The following ADAMTS17 variants were observed in gnomAD, a reference collection of about 807,000 sequenced individuals.
ADAMTS17 encodes A disintegrin and metalloproteinase with thrombospondin motifs 17.
ADAMTS17 carries 113 observed loss-of-function variants against 141.5 expected under a neutral mutation model. That is an observed-to-expected ratio of 0.80 (90% CI 0.69 to 0.93). The LOEUF (loss-of-function observed/expected upper bound fraction) is 0.93, where lower values mean the gene tolerates loss of function less well. Among genes scored for constraint, ADAMTS17 ranks in the 40% least tolerant of loss-of-function variants. The pLI is 0.00. For synonymous variants in ADAMTS17, 768 were observed against 630.6 expected (o/e 1.22, Z -3.27); for missense variants, 1,659 against 1,517.9 (o/e 1.09, Z -1.54).
intron 15 of ADAMTS17, among the ~76,000 whole-genome samples, chr15:100,093,246 C>T (rs1247126695): frequency 6.6e-6 from 1 of 152,124 alleles, no homozygotes; most frequent in Non-Finnish European, 1.5e-5. Flanking sequence ...GGACACTTCG[C>T]CACGTGTGGG....
intron 4 of ADAMTS17, among the ~76,000 whole-genome samples, chr15:100,275,918 G>A (rs1290700800): frequency 7.2e-6 from 1 of 138,730 alleles, no homozygotes; most frequent in Non-Finnish European, 1.5e-5. Context: ...CTGCCCTGGG[G>A]ACAGGGTACT....
chr15:100,279,560 C>T (rs148749982), intron 4 of ADAMTS17, among the ~76,000 whole-genome samples: 83 of 152,370 alleles, frequency 5.4e-4, no homozygotes, highest in African/African-American at 1.9e-3. Flanking sequence ...CTTCCATAAG[C>T]GGCCTGACCA....
chr15:100,064,071 C>G (rs926008003), intron 15 of ADAMTS17, among the ~76,000 whole-genome samples: 2 of 152,122 alleles, frequency 1.3e-5, no homozygotes, highest in African/African-American at 4.8e-5. Flanking sequence ...AAGATGAGGT[C>G]ATCCTGGAGT....
intron 7 of ADAMTS17, among the ~76,000 whole-genome samples, chr15:100,226,541 G>A (rs899660195): frequency 2.0e-4 from 30 of 152,238 alleles, no homozygotes; most frequent in African/African-American, 6.5e-4. Flanking sequence ...GACACATGCA[G>A]AGGCCAAGAC....
intron 3 of ADAMTS17, among the ~76,000 whole-genome samples, chr15:100,301,982 T>G (rs904769969): frequency 2.0e-5 from 3 of 152,226 alleles, no homozygotes; most frequent in Non-Finnish European, 4.4e-5. Context: ...TTTCAGTGTA[T>G]TCACAGAACT....
chr15:100,243,520 T>C (rs1459460443), intron 7 of ADAMTS17, among the ~76,000 whole-genome samples: 1 of 152,360 alleles, frequency 6.6e-6, no homozygotes, highest in South Asian at 2.1e-4. Context: ...CTGGGTGCCA[T>C]GGCTCACGCC....
At position 99,974,426 on chromosome 15, in the gene ADAMTS17, C is replaced by CATCTTGTTTGCATAG. The variant is rs1295872947; in HGVS notation, c.3249_3263dup (p.Lys1087_Met1088insIleTyrAlaAsnLys). On this transcript the variant is annotated inframe_insertion, in exon 22 of 22. Transcript: ENST00000268070. The stretch of plus-strand genomic sequence containing the variant: ...GTCACGAGTTCGGCGGTGGCTGGCG[C>CATCTTGTTTGCATAG]ATCTTGTTTGCATAGAAGTCCCTGC... 7 of 1,614,172 alleles carry CATCTTGTTTGCATAG rather than the reference C, an allele frequency of 4.3e-6. No individual in the cohort carries two copies. Among genetic ancestry groups the CATCTTGTTTGCATAG allele is most frequent in the Non-Finnish European group, 5.9e-6 (7 of 1,180,038 alleles).
At chr15:100,183,460 G>T (rs1596212263) in intron 8 of ADAMTS17, among the ~76,000 whole-genome samples, 1 of 151,980 alleles carries the variant, frequency 6.6e-6, no homozygotes, top group East Asian at 1.9e-4. Context: ...TTTTGTTGTT[G>T]TTCCTATATT....
At chr15:100,151,456 C>T (rs566481222) in intron 10 of ADAMTS17, among the ~76,000 whole-genome samples, 1 of 152,316 alleles carries the variant, frequency 6.6e-6, no homozygotes, top group Admixed American at 6.5e-5. Context: ...GGCATTGGGA[C>T]CGCATTCTGG....
intron 3 of ADAMTS17, among the ~76,000 whole-genome samples, chr15:100,287,218 T>C (rs1411550106): frequency 6.6e-6 from 1 of 152,130 alleles, no homozygotes. Context: ...CTGATGGAGC[T>C]GAAAATCTCA....
At chr15:100,333,887 C>T (rs987696516) in intron 2 of ADAMTS17, among the ~76,000 whole-genome samples, 8 of 152,236 alleles carry the variant, frequency 5.3e-5, no homozygotes, top group African/African-American at 1.9e-4. Context: ...CTATGGCAGA[C>T]AGAACTGGCA....
intron 10 of ADAMTS17, among the ~76,000 whole-genome samples, chr15:100,142,235 C>T (rs1326079044): frequency 1.3e-5 from 2 of 152,200 alleles, no homozygotes; most frequent in African/African-American, 2.4e-5. Context: ...AGAATTTTGT[C>T]ACCCCAAGCA....
chr15:100,113,537 T>C (rs1209586709), intron 13 of ADAMTS17, among the ~76,000 whole-genome samples: 9 of 152,180 alleles, frequency 5.9e-5, no homozygotes, highest in Admixed American at 3.9e-4. Context: ...GAACTGTATG[T>C]GGCCCAAAAG....
chr15:100,261,409 C>A, intron 6 of ADAMTS17, 70 bp downstream of exon 6: 1 of 1,604,858 alleles, frequency 6.2e-7, no homozygotes, highest in Non-Finnish European at 8.5e-7. Context: ...TAACAACATG[C>A]CTATTTCCTC....
At chr15:100,211,049 G>A (rs922016836) in intron 7 of ADAMTS17, among the ~76,000 whole-genome samples, 23 of 151,648 alleles carry the variant, frequency 1.5e-4, no homozygotes, top group Non-Finnish European at 2.4e-4. Flanking sequence ...GCAGTGAGCC[G>A]AGATTGCGCC....
Position 99,976,164 on chromosome 15 carries a change from A to G in ADAMTS17, c.3008T>C (p.Val1003Ala). ...GCACTCGCTGCCGTGGCGCCCTGTG[A>G]CCTTGTGCATGCACTGCACCACCCG... The part of the protein sequence containing the change: ...QSRVVQCMHK[V>A]TGRHGSECPA... The change falls in exon 21 of 22, where the codon GTC becomes GCC. Residue 1003 changes from valine to alanine, a missense_variant. Physicochemically the swap from Val to Ala is moderately conservative, Grantham distance 64. Coordinates refer to ENST00000268070, the MANE Select transcript of ADAMTS17 (RefSeq NM_139057.4). 2 of 1,550,534 alleles carry G rather than the reference A, an allele frequency of 1.3e-6. No homozygotes were observed. The highest frequency in any genetic ancestry group is 1.7e-6 in the Non-Finnish European group (2 of 1,146,986).
intron 2 of ADAMTS17, among the ~76,000 whole-genome samples, chr15:100,334,390 T>C (rs772808172): frequency 9.9e-5 from 15 of 152,190 alleles, no homozygotes; most frequent in South Asian, 6.2e-4. Flanking sequence ...CTGCAGCTCC[T>C]CAGTTAACAT....
At position 100,165,394 on chromosome 15, in the gene ADAMTS17, C is replaced by G. The variant is rs116695558; in HGVS notation, c.1182-10074G>C. Among the ~76,000 whole-genome samples the G allele has an allele frequency of 1.8e-4, 28 of 152,288 alleles. No homozygotes were observed. In the South Asian group the frequency reaches 5.6e-3, roughly 31 times the overall value. On this transcript the variant is annotated intron_variant, in intron 8 of 21. Transcript: ENST00000268070. ...GAGGATACCCACAGCGTGCCTCCCCCCAATGCCTCCTGGGCATGCCATGGC... is the reference window on the plus strand; with the variant it reads ...GAGGATACCCACAGCGTGCCTCCCCGCAATGCCTCCTGGGCATGCCATGGC...
At chr15:100,054,677 G>C (rs2032420234) in intron 15 of ADAMTS17, among the ~76,000 whole-genome samples, 1 of 152,174 alleles carries the variant, frequency 6.6e-6, no homozygotes, top group Non-Finnish European at 1.5e-5. Context: ...GTCACACTTG[G>C]CAGCTGTGGA....
Sources: allele counts gnomAD v4.1 joint callset (sites outside exome capture counted in the v4.1 genomes callset), GRCh38; gene constraint gnomAD v4.1.1; transcripts MANE v1.5; gene names NCBI Gene and HGNC (gene_info 2026-07-23, HGNC 2026-07-21).